Variants in DPY19L2 observed in about 807,000 individuals in gnomAD.
DPY19L2 encodes dpy-19 like 2, also known as probable C-mannosyltransferase DPY19L2.
In DPY19L2, 34 loss-of-function variants were observed where a neutral mutation model predicts 97.9. That is an observed-to-expected ratio of 0.35 (90% CI 0.26 to 0.46). DPY19L2 has a LOEUF of 0.46. Ranked by LOEUF, DPY19L2 falls within the 20% of genes least tolerant of loss-of-function variation. The pLI is 1.00. For missense variants in DPY19L2, 623 were observed against 911.4 expected (o/e 0.68, Z 4.07); for synonymous variants, 230 against 307.9 (o/e 0.75, Z 2.65).
At chr12:63,575,952 T>A (rs1328954780) in intron 19 of DPY19L2, among the ~76,000 whole-genome samples, 6 of 151,854 alleles carry the variant, frequency 4.0e-5, no homozygotes. Flanking sequence ...ATGAGACCAA[T>A]ATCACTTTAA....
At chr12:63,618,525 G>A (rs1888194037) in intron 9 of DPY19L2, among the ~76,000 whole-genome samples, 1 of 152,146 alleles carries the variant, frequency 6.6e-6, no homozygotes, top group African/African-American at 2.4e-5. Flanking sequence ...TTTTCTCCCA[G>A]AGGTATCTGC....
In DPY19L2 at chr12:63,612,482, T is replaced by C. The variant is rs900136033; in HGVS notation, c.1219-3807A>G. Among the ~76,000 whole-genome samples the C allele has an allele frequency of 2.2e-4, 34 of 152,030 alleles. 1 individual carries two copies. Among genetic ancestry groups the C allele is most frequent in the African/African-American group, 8.2e-4 (34 of 41,540 alleles). On this transcript the variant is annotated intron_variant, in intron 11 of 21. Transcript: ENST00000324472. ...ATGAAATAAATTTAAAAATGTACTT[T>C]ATCAAAATATGTGGGATGTTGATAA...
Position 63,661,358 on chromosome 12 carries a change from G to A in DPY19L2, c.574C>T (p.His192Tyr). The A allele has an allele frequency of 6.3e-7, 1 of 1,581,270 alleles. No homozygotes were observed. The highest frequency in any genetic ancestry group is 2.0e-5 in the Admixed American group (1 of 50,012). The change falls in exon 4 of 22, where the codon CAT becomes TAT. Residue 192 changes from histidine to tyrosine, a missense_variant. Around this residue, in one of 6 missense-constraint regions of DPY19L2, gnomAD observed 84 missense variants for 125.4 expected, o/e 0.67. Transcript: ENST00000324472. ...TTATGACTCACCTCTGGATAAAGATGGAAGCGTTTTATTGCATTAATTATA... is the reference window on the plus strand; with the variant it reads ...TTATGACTCACCTCTGGATAAAGATAGAAGCGTTTTATTGCATTAATTATA... ...PLIINAIKRF[H>Y]LYPEVIIASW... is the part of the protein sequence containing the mutation.
chr12:63,650,369 G>A (rs1197108646), intron 4 of DPY19L2, among the ~76,000 whole-genome samples: 1 of 152,060 alleles, frequency 6.6e-6, no homozygotes, highest in African/African-American at 2.4e-5. Context: ...AGGAAGACGG[G>A]AATTCACACT....
intron 11 of DPY19L2, among the ~76,000 whole-genome samples, chr12:63,614,093 G>A (rs1015346982): frequency 6.6e-6 from 1 of 151,198 alleles, no homozygotes; most frequent in African/African-American, 2.4e-5. Context: ...GGGAGGCTGA[G>A]GCAAGAGAAT....
rs1316200234 is a variant in DPY19L2 at position 63,668,235 on chromosome 12, C to T, written c.159G>A (p.Arg53=). Residue 53 remains arginine (R), a synonymous_variant, in exon 1 of 22, where the codon AGG becomes AGA. Coordinates refer to ENST00000324472, the MANE Select transcript of DPY19L2 (RefSeq NM_173812.5). The part of the protein sequence containing the change: ...GGGKLPRGSW[R]SSPGRIQSLK... ...GACTTTGGATCCTCCCCGGGGAGGA[C>T]CTCCAGGAGCCCCTTGGCAGTTTCC... 1 of 1,613,906 alleles carries T rather than the reference C, an allele frequency of 6.2e-7. No homozygotes were observed. Among genetic ancestry groups the T allele is most frequent in the Non-Finnish European group, 8.5e-7 (1 of 1,179,896 alleles).
intron 19 of DPY19L2, among the ~76,000 whole-genome samples, chr12:63,573,127 GGACA>G (rs1879182190): frequency 6.6e-6 from 1 of 151,960 alleles, no homozygotes; most frequent in Non-Finnish European, 1.5e-5. Flanking sequence ...GGCCAATCCT[GGACA>G]GACAGAGATA....
chr12:63,610,178 A>G (rs977238714), intron 11 of DPY19L2, among the ~76,000 whole-genome samples: 1 of 152,006 alleles, frequency 6.6e-6, no homozygotes, highest in African/African-American at 2.4e-5. Flanking sequence ...TAGTACTTTA[A>G]AAAGCCAACT....
chr12:63,593,147 C>A (rs1193142151), intron 16 of DPY19L2, among the ~76,000 whole-genome samples: 1 of 152,058 alleles, frequency 6.6e-6, no homozygotes, highest in Non-Finnish European at 1.5e-5. Context: ...ACAACAGGTG[C>A]CGGAGAGGAT....
chr12:63,621,430 T>C (rs1470114996), intron 8 of DPY19L2, 93 bp from the exon 9 acceptor site: 4 of 714,904 alleles, frequency 5.6e-6, no homozygotes, highest in Non-Finnish European at 9.7e-6. Flanking sequence ...AAATCTACAT[T>C]ATTCCATTAC....
chr12:63,631,421 G>C (rs12426075), intron 6 of DPY19L2, among the ~76,000 whole-genome samples: 60,731 of 151,872 alleles, frequency 0.4, 12,262 homozygotes, highest in South Asian at 0.47. Context: ...TACCATCAGA[G>C]AATACTATAA....
intron 6 of DPY19L2, among the ~76,000 whole-genome samples, chr12:63,628,353 G>A (rs542369721): frequency 2.0e-5 from 3 of 152,238 alleles, no homozygotes; most frequent in African/African-American, 4.8e-5. Context: ...CTGGAAAATC[G>A]GGTCACTCCT....
intron 5 of DPY19L2, among the ~76,000 whole-genome samples, chr12:63,646,951 C>G (rs1342258031): frequency 6.6e-6 from 1 of 151,882 alleles, no homozygotes; most frequent in Non-Finnish European, 1.5e-5. Context: ...TGCAGCTACC[C>G]CAAAAAACAT....
rs1311414342 is a variant in DPY19L2, at chr12:63,611,130, T to C, written c.1219-2455A>G. ...AAATGTAGAAAAATTGGAATGCTTA[T>C]GCACTGTTGGTGGGAATATAAAATA... On this transcript the variant is annotated intron_variant, in intron 11 of 21. Coordinates refer to ENST00000324472, the MANE Select transcript of DPY19L2 (RefSeq NM_173812.5). 5.3e-5 allele frequency among the ~76,000 whole-genome samples: 8 copies of C among 151,964 alleles called. No homozygotes were observed. The East Asian group carries it at 7.7e-4, about 15-fold the overall frequency.
At chr12:63,594,652 CTGTG>C (rs60604846) in intron 15 of DPY19L2, among the ~76,000 whole-genome samples, 23 of 111,894 alleles carry the variant, frequency 2.1e-4, no homozygotes, top group African/African-American at 6.7e-4. Flanking sequence ...GTGTGCGTGT[CTGTG>C]TGTGTGTGTG....
chr12:63,577,754 A>G (rs1331765792), intron 19 of DPY19L2, among the ~76,000 whole-genome samples: 1 of 152,136 alleles, frequency 6.6e-6, no homozygotes, highest in Non-Finnish European at 1.5e-5. Context: ...TAAAATGGCT[A>G]TTATTCAAAA....
chr12:63,620,011 G>A (rs1394080035), intron 9 of DPY19L2: 1 of 455,208 alleles, frequency 2.2e-6, no homozygotes, highest in Admixed American at 2.4e-5. Context: ...CAATTGAGCT[G>A]GGGTTATAAT....
chr12:63,649,589 A>G lies in DPY19L2; in HGVS notation c.589-2224T>C, dbSNP rs551084449. Among the ~76,000 whole-genome samples the G allele has an allele frequency of 1.7e-4, 26 of 152,250 alleles. No individual in the cohort carries two copies. The South Asian group carries it at 4.8e-3, about 28-fold the overall frequency. Reference sequence around the variant, plus strand: ...ACTGGAAAACCTAGAAGAAATGGCTAAATTCCTGGAAATATATAACCTCCA... The same window carrying G: ...ACTGGAAAACCTAGAAGAAATGGCTGAATTCCTGGAAATATATAACCTCCA... On this transcript the variant is annotated intron_variant, in intron 4 of 21. Transcript: ENST00000324472.
intron 15 of DPY19L2, among the ~76,000 whole-genome samples, 189 bp from the exon 16 acceptor site, chr12:63,594,322 A>T (rs1381927868): frequency 6.6e-6 from 1 of 152,134 alleles, no homozygotes; most frequent in East Asian, 1.9e-4. Context: ...ACTTCACATC[A>T]TTGAAAACTA....
Sources: allele counts gnomAD v4.1 joint callset (sites outside exome capture counted in the v4.1 genomes callset), GRCh38; gene constraint gnomAD v4.1.1; regional missense constraint gnomAD v4.1.1; transcripts MANE v1.5; gene names NCBI Gene and HGNC (gene_info 2026-07-23, HGNC 2026-07-21).